PAK1: variants seen among roughly 807,000 people sequenced by gnomAD.
The protein encoded by PAK1 is p21 (RAC1) activated kinase 1.
Under a neutral mutation model 67.4 loss-of-function variants are expected in PAK1, and 29 were observed. The ratio of observed to expected loss-of-function variants is 0.43; its 90% CI spans 0.32 to 0.59. The LOEUF (loss-of-function observed/expected upper bound fraction) is 0.59, where lower values mean the gene tolerates loss of function less well. PAK1 is among the 20% of genes least tolerant of loss of function. PAK1 has a pLI of 0.07. For missense variants in PAK1, 337 were observed against 670.7 expected, an observed-to-expected ratio of 0.50 and a Z score of 5.50; for synonymous variants, 223 against 237.4, an observed-to-expected ratio of 0.94 and a Z score of 0.56.
chr11:77,365,752 G>T (rs2729752), intron 5 of PAK1, among the ~76,000 whole-genome samples: 1 of 151,918 alleles, frequency 6.6e-6, no homozygotes, highest in African/African-American at 2.4e-5. Context: ...AGAATCGCCT[G>T]AACTCAGGAG....
At chr11:77,437,800 T>C (rs1209153278) in intron 1 of PAK1, among the ~76,000 whole-genome samples, 1 of 152,240 alleles carries the variant, frequency 6.6e-6, no homozygotes, top group Non-Finnish European at 1.5e-5. Context: ...TAAGAGTATA[T>C]GGATCTCCCT....
intron 1 of PAK1, among the ~76,000 whole-genome samples, chr11:77,433,974 TA>T (rs1168095568): frequency 2.0e-5 from 3 of 151,944 alleles, no homozygotes; most frequent in African/African-American, 7.3e-5. Flanking sequence ...ATGCCTAAAA[TA>T]AAAAGATAGT....
chr11:77,490,475 C>T, the PAK1 span, among the ~76,000 whole-genome samples: 1 of 149,578 alleles, frequency 6.7e-6, no homozygotes. Context: ...CAGCCCCCCG[C>T]CCGGCCAGCC....
At chr11:77,386,044 G>C (rs1950410603) in intron 2 of PAK1, among the ~76,000 whole-genome samples, 1 of 152,104 alleles carries the variant, frequency 6.6e-6, no homozygotes, top group African/African-American at 2.4e-5. Context: ...TAGAGATCTT[G>C]GGATTGAGAA....
intron 1 of PAK1, among the ~76,000 whole-genome samples, chr11:77,403,931 T>C (rs577236489): frequency 1.7e-4 from 26 of 152,168 alleles, no homozygotes; most frequent in Non-Finnish European, 3.7e-4. Context: ...GTCATTATCA[T>C]AGGAGTAAAT....
At chr11:77,416,420 C>G (rs1230735378) in intron 1 of PAK1, among the ~76,000 whole-genome samples, 2 of 152,120 alleles carry the variant, frequency 1.3e-5, no homozygotes, top group Admixed American at 6.5e-5. Flanking sequence ...ATATTAGTGT[C>G]TTTCACCTCT....
chr11:77,375,325 A>C (rs1039056800), intron 4 of PAK1, among the ~76,000 whole-genome samples: 1 of 152,214 alleles, frequency 6.6e-6, no homozygotes, highest in African/African-American at 2.4e-5. Flanking sequence ...TCCATGCCAA[A>C]ACATGGCCAG....
intron 1 of PAK1, among the ~76,000 whole-genome samples, chr11:77,400,147 A>G (rs1952476418): frequency 6.6e-6 from 1 of 151,836 alleles, no homozygotes; most frequent in South Asian, 2.1e-4. Flanking sequence ...TGCTTGGCCC[A>G]AAGAAAAGAG....
chr11:77,474,298 AC>A (rs1438596096), upstream of PAK1: 6 of 151,726 alleles, frequency 4.0e-5, no homozygotes, highest in Non-Finnish European at 8.8e-5. Flanking sequence ...GGCCTGACCG[AC>A]CCGTGGGAGC....
At chr11:77,416,737 A>G (rs1209341196) in intron 1 of PAK1, among the ~76,000 whole-genome samples, 1 of 152,196 alleles carries the variant, frequency 6.6e-6, no homozygotes, top group Non-Finnish European at 1.5e-5. Context: ...GCGGATCACG[A>G]AGTCAGGAGA....
chr11:77,448,741 C>G (rs1040053766), intron 1 of PAK1, among the ~76,000 whole-genome samples: 1 of 152,118 alleles, frequency 6.6e-6, no homozygotes. Flanking sequence ...TATACAGAAC[C>G]AGAAATAAGA....
chr11:77,490,295 C>CCACCCGG, the PAK1 span, among the ~76,000 whole-genome samples: 5 of 147,918 alleles, frequency 3.4e-5, no homozygotes, highest in Non-Finnish European at 7.4e-5. Context: ...GGTCAGCCCC[C>CCACCCGG]CCACCCGGCC....
chr11:77,359,301 C>G (rs540578091), intron 5 of PAK1, among the ~76,000 whole-genome samples: 7 of 152,144 alleles, frequency 4.6e-5, no homozygotes, highest in Admixed American at 4.6e-4. Flanking sequence ...TGCCTCTCCC[C>G]CAACCCAACC....
rs1388724997 is a variant in PAK1 at position 77,409,928 on chromosome 11, C to A, written c.-21-17387G>T. On this transcript the variant is annotated intron_variant, in intron 1 of 14. Coordinates refer to ENST00000356341, the MANE Select transcript of PAK1 (RefSeq NM_002576.5). ...AAAATTTGCTGAGTAGAAATCAGTT[C>A]AAAAAGCCAGTCATCAAAGGGGAAG... is the stretch of plus-strand genomic sequence containing the variant. 2.0e-5 allele frequency among the ~76,000 whole-genome samples: 3 copies of A among 152,116 alleles called. No homozygotes were observed. In the East Asian group the frequency reaches 5.8e-4, roughly 29 times the overall value.
Position 77,323,123 on chromosome 11 carries a change from A to C in PAK1, c.*151T>G. 6.9e-7 allele frequency: 1 copy of C among 1,443,174 alleles called. No individual in the cohort carries two copies. The allele number at this position is 1,443,174 out of a possible 1,614,324, so 89.4% of individuals were successfully genotyped here. ...TGCAGTTCTCTTCAATGCTGGACAC[A>C]CGGTTTCCAAGGATCAAAGTCTTGA... On this transcript the variant is annotated 3_prime_UTR_variant, in exon 15 of 15. Transcript: ENST00000356341.
chr11:77,521,272 G>A, the PAK1 span, among the ~76,000 whole-genome samples: 57 of 152,150 alleles, frequency 3.7e-4, no homozygotes, highest in African/African-American at 1.3e-3. Flanking sequence ...GCTCACACCT[G>A]TAATCCCAGC....
intron 1 of PAK1, among the ~76,000 whole-genome samples, chr11:77,450,889 G>A (rs537665587): frequency 4.9e-4 from 74 of 152,236 alleles, no homozygotes; most frequent in African/African-American, 1.7e-3. Context: ...CATCTCTAGA[G>A]GCCCTTCTCT....
intron 1 of PAK1, among the ~76,000 whole-genome samples, chr11:77,431,461 T>G (rs922589409): frequency 1.3e-5 from 2 of 152,146 alleles, no homozygotes; most frequent in African/African-American, 4.8e-5. Context: ...AAACATGTAC[T>G]CCTAATACCC....
intron 10 of PAK1, among the ~76,000 whole-genome samples, chr11:77,343,612 G>A (rs978156251): frequency 1.3e-5 from 2 of 152,230 alleles, no homozygotes; most frequent in South Asian, 2.1e-4. Context: ...GAAGCTACAC[G>A]GTGGTAGAGT....
Sources: gnomAD v4.1 joint callset for allele counts (sites outside exome capture counted in the v4.1 genomes callset) on GRCh38, gnomAD v4.1.1 for gene constraint, MANE v1.5 for transcripts, NCBI Gene and HGNC (gene_info 2026-07-23, HGNC 2026-07-21) for gene names.